Variants in AVEN observed in about 807,000 individuals in gnomAD.
AVEN encodes cell death regulator Aven.
Under a neutral mutation model 38.1 loss-of-function variants are expected in AVEN, and 41 were observed. The observed-to-expected ratio is 1.08, with a 90% CI of 0.84 to 1.40. The LOEUF (loss-of-function observed/expected upper bound fraction) is 1.40. Ranked by LOEUF, AVEN falls within the 40% of genes most tolerant of loss-of-function variation. The probability of loss-of-function intolerance (pLI) is 0.00; values close to 1 mark genes in which losing one functional copy is unlikely to be tolerated. For synonymous variants in AVEN, 206 were observed against 171.8 expected (o/e 1.20, Z -1.56); for missense variants, 605 against 438.8 (o/e 1.38, Z -3.38).
intron 2 of AVEN, among the ~76,000 whole-genome samples, chr15:33,948,254 G>A (rs976832715): frequency 2.6e-5 from 4 of 151,898 alleles, no homozygotes; most frequent in Admixed American, 2.6e-4. Flanking sequence ...CCGCCACCAC[G>A]CCCAGCTGAT....
intron 2 of AVEN, among the ~76,000 whole-genome samples, chr15:34,068,851 G>GTCA (rs1384437474): frequency 7.6e-5 from 9 of 118,194 alleles, no homozygotes; most frequent in Admixed American, 4.3e-4. Context: ...TCGCTCCTTT[G>GTCA]CCCAGGCTGG....
At chr15:34,004,971 TA>T (rs1040589941) in intron 1 of AVEN, among the ~76,000 whole-genome samples, 1 of 146,238 alleles carries the variant, frequency 6.8e-6, no homozygotes, top group African/African-American at 2.5e-5. Flanking sequence ...AGTGTGGACT[TA>T]AAAAAAATAA....
rs769551722 is a variant in AVEN, at chr15:33,963,895, T to TG, written c.445+39136dup. ...AGAGAATGGCTCCTTGCCAGATTGA[T>TG]GCAGTATCAGGGCTCATCAAGAAAG... On this transcript the variant is annotated intron_variant, in intron 2 of 5. Coordinates refer to ENST00000306730, the MANE Select transcript of AVEN (RefSeq NM_020371.3). Among the ~76,000 whole-genome samples, 8 of 151,814 alleles carry TG rather than the reference T, an allele frequency of 5.3e-5. No homozygotes were observed. In the East Asian group the frequency reaches 1.4e-3, roughly 26 times the overall value.
upstream of AVEN, among the ~76,000 whole-genome samples, chr15:34,041,158 C>T (rs774036040): frequency 6.6e-6 from 1 of 152,056 alleles, no homozygotes; most frequent in African/African-American, 2.4e-5. Flanking sequence ...TATTTAATAG[C>T]ATCCCTGGCC....
intron 1 of AVEN, among the ~76,000 whole-genome samples, chr15:34,018,775 G>T (rs1271600352): frequency 6.6e-6 from 1 of 152,198 alleles, no homozygotes; most frequent in Non-Finnish European, 1.5e-5. Flanking sequence ...GTGCTAATTG[G>T]TCCATTTACA....
At chr15:33,952,330 C>T (rs1048807268) in intron 2 of AVEN, among the ~76,000 whole-genome samples, 2 of 152,144 alleles carry the variant, frequency 1.3e-5, no homozygotes, top group African/African-American at 4.8e-5. Flanking sequence ...ACCTTGCAAC[C>T]TATTCCCCAA....
downstream of AVEN, chr15:33,864,111 T>C (rs11072760): frequency 0.71 from 1,115,522 of 1,578,084 alleles, 404,878 homozygotes; most frequent in Non-Finnish European, 0.75. Flanking sequence ...GACCAGAGTA[T>C]CTAATACTAT....
chr15:34,018,102 CTACT>C (rs963063216), intron 1 of AVEN: 3 of 152,178 alleles, frequency 2.0e-5, no homozygotes, highest in African/African-American at 7.2e-5. Context: ...TACAGTCATT[CTACT>C]TACTTCTTAA....
At chr15:34,026,832 A>C (rs1898493771) in intron 1 of AVEN, among the ~76,000 whole-genome samples, 1 of 152,154 alleles carries the variant, frequency 6.6e-6, no homozygotes, top group Non-Finnish European at 1.5e-5. Flanking sequence ...CTTTTGTTCA[A>C]CCTTAAGAGA....
intron 2 of AVEN, among the ~76,000 whole-genome samples, chr15:33,979,849 C>T (rs1896058115): frequency 6.6e-6 from 1 of 152,146 alleles, no homozygotes; most frequent in African/African-American, 2.4e-5. Context: ...ATATATTTTT[C>T]TTTTATCAAC....
At position 33,874,385 on chromosome 15, in the gene AVEN, C is replaced by A. The variant is rs537164112; in HGVS notation, c.516+1540G>T. Among the ~76,000 whole-genome samples the A allele has an allele frequency of 3.3e-5, 5 of 152,276 alleles. No homozygotes were observed. In the East Asian group the frequency reaches 9.7e-4, roughly 29 times the overall value. ...CCTCCTCCTCTGGGAATACTACACTCTGGCCACACCCTTCTCTGAGCATAA... is the reference window on the plus strand; with the variant it reads ...CCTCCTCCTCTGGGAATACTACACTATGGCCACACCCTTCTCTGAGCATAA... On this transcript the variant is annotated intron_variant, in intron 3 of 5. Transcript: ENST00000306730.
At position 33,878,292 on chromosome 15, in the gene AVEN, A is replaced by G. The variant is rs963503008; in HGVS notation, c.446-2297T>C. Among the ~76,000 whole-genome samples, 6 of 152,172 alleles carry G rather than the reference A, an allele frequency of 3.9e-5. 1 individual carries two copies. The highest frequency in any genetic ancestry group is 1.2e-4 in the African/African-American group (5 of 41,450). ...TATAAAAATGTATTCAAAAGTCTCA[A>G]TAAATAAAATGGATAGCCACTGGTG... is the stretch of plus-strand genomic sequence containing the variant. On this transcript the variant is annotated intron_variant, in intron 2 of 5. Coordinates refer to ENST00000306730, the MANE Select transcript of AVEN (RefSeq NM_020371.3).
chr15:34,063,392 G>C lies in AVEN; in HGVS notation n.1167C>G, dbSNP rs1417984187. The C allele has an allele frequency of 6.2e-7, 1 of 1,613,992 alleles. No individual in the cohort carries two copies. Among genetic ancestry groups the C allele is most frequent in the Non-Finnish European group, 8.5e-7 (1 of 1,180,030 alleles). On this transcript the variant is annotated non_coding_transcript_exon_variant, in exon 5 of 12. Coordinates refer to the AVEN transcript ENST00000675287. This position sits in a 1 kb window ranked among gnomAD's most constrained non-coding sequence, Gnocchi z 4.1. ...ACCGGGAAACAGAGAAGCGAACCAA[G>C]GACCTGGCTGACCTCCAGGGTTCTG... is the stretch of plus-strand genomic sequence containing the variant.
chr15:34,007,060 A>G, intron 1 of AVEN: 1 of 984,606 alleles, frequency 1.0e-6, no homozygotes, highest in East Asian at 1.1e-4. Context: ...GACATCGGTC[A>G]CTGGTTGCAT....
rs932439173 is a variant in AVEN at position 33,867,827 on chromosome 15, A to C, written c.641T>G (p.Val214Gly). 1.9e-6 allele frequency: 3 copies of C among 1,598,420 alleles called. No homozygotes were observed. Among genetic ancestry groups the C allele is most frequent in the African/African-American group, 2.7e-5 (2 of 73,796 alleles). ...GCCATCATCAGTTCTCTTTGGTTTC[A>C]CCTGAGGAACCTCTAAAGGAACTGT... ...QGTVPLEVPQ[V>G]KPKRTDDGKG... Residue 214 changes from valine (V) to glycine (G), a missense_variant, in exon 5 of 6, where the codon GTG becomes GGG. Transcript: ENST00000306730.
At chr15:34,051,415 C>A (rs933502348) in intron 5 of AVEN, among the ~76,000 whole-genome samples, 3 of 152,178 alleles carry the variant, frequency 2.0e-5, no homozygotes, top group African/African-American at 7.2e-5. Context: ...AAAAACCTAA[C>A]ATCACAACAA....
intron 2 of AVEN, among the ~76,000 whole-genome samples, chr15:33,877,774 C>A (rs985512262): frequency 6.6e-6 from 1 of 151,928 alleles, no homozygotes; most frequent in Non-Finnish European, 1.5e-5. Flanking sequence ...CATGGTAAAA[C>A]CCCGTCTCTA....
Position 33,867,861 on chromosome 15 carries a change from A to T in AVEN, c.613-6T>A, listed in dbSNP as rs1220300701. 6.4e-7 allele frequency: 1 copy of T among 1,555,084 alleles called. No homozygotes were observed. Among genetic ancestry groups the T allele is most frequent in the Non-Finnish European group, 8.6e-7 (1 of 1,156,488 alleles). ...ACCTCTAAAGGAACTGTACCCTGAA[A>T]GAGAAGTATAAAAACTGAGTTAAAA... On this transcript the variant is annotated splice_polypyrimidine_tract_variant and splice_region_variant and intron_variant, in intron 4 of 5. Transcript: ENST00000306730.
At chr15:33,932,580 ACTTTGGAAGG>A (rs1390876192) in intron 2 of AVEN, among the ~76,000 whole-genome samples, 3 of 152,170 alleles carry the variant, frequency 2.0e-5, no homozygotes, top group Non-Finnish European at 4.4e-5. Context: ...TAATCCCAGC[ACTTTGGAAGG>A]CTGAGGTGGA....
Sources: gnomAD v4.1 joint callset for allele counts (sites outside exome capture counted in the v4.1 genomes callset) on GRCh38, gnomAD v4.1.1 for gene constraint, Gnocchi (gnomAD v3.1) non-coding constraint, MANE v1.5 for transcripts, NCBI Gene and HGNC (gene_info 2026-07-23, HGNC 2026-07-21) for gene names.